The following ITGB2 variants were observed in gnomAD, a reference collection of about 807,000 sequenced individuals.
The protein encoded by ITGB2 is integrin subunit beta 2.
A neutral mutation model predicts 86.8 loss-of-function variants in ITGB2; 56 were observed. The ratio of observed to expected loss-of-function variants is 0.65; its 90% CI spans 0.52 to 0.81. ITGB2 has a LOEUF of 0.81. ITGB2 is among the 30% of genes least tolerant of loss of function. ITGB2 has a pLI of 0.00. For missense variants in ITGB2, 948 were observed against 1,061.2 expected (o/e 0.89, Z 1.48); for synonymous variants, 457 against 450.4 (o/e 1.01, Z -0.19).
chr21:44,902,958 G>A (rs1199062624), intron 5 of ITGB2, among the ~76,000 whole-genome samples: 1 of 152,266 alleles, frequency 6.6e-6, no homozygotes, highest in South Asian at 2.1e-4. Context: ...GCAAGGCAGT[G>A]CTGGTGTAGA....
intron 5 of ITGB2, 157 bp from the exon 6 acceptor site, chr21:44,901,890 GT>G (rs1361683290): frequency 1.6e-5 from 13 of 805,804 alleles, no homozygotes; most frequent in Non-Finnish European, 2.5e-5. Flanking sequence ...GAGCATGTGC[GT>G]TGTGCAAGCA....
chr21:44,903,716 G>C (rs1196628154), intron 4 of ITGB2, among the ~76,000 whole-genome samples, 181 bp from the exon 5 acceptor site: 1 of 152,152 alleles, frequency 6.6e-6, no homozygotes, highest in Non-Finnish European at 1.5e-5. Context: ...ATCCAGGCAG[G>C]CTGGAGTTTC....
chr21:44,925,416 GAGGGAGGGAAGGAAGGAAGGA>G (rs2084359177), upstream of ITGB2, among the ~76,000 whole-genome samples: 1 of 104,388 alleles, frequency 9.6e-6, no homozygotes, highest in Non-Finnish European at 1.9e-5. Flanking sequence ...GGAAGGGAGG[GAGGGAGGGAAGGAAGGAAGGA>G]AGGAAGGAAG....
chr21:44,927,993 T>G (rs1484217390), intron 1 of ITGB2: 4 of 152,058 alleles, frequency 2.6e-5, no homozygotes, highest in Admixed American at 1.3e-4. Flanking sequence ...GCAGCCTCCA[T>G]CCCCCTGTGG....
intron 1 of ITGB2, among the ~76,000 whole-genome samples, chr21:44,912,721 C>T (rs968588515): frequency 1.6e-4 from 25 of 152,096 alleles, no homozygotes; most frequent in Non-Finnish European, 3.2e-4. Context: ...GGACTGACCT[C>T]GGTGCCACGA....
chr21:44,900,199 T>C, intron 7 of ITGB2, 121 bp downstream of exon 7: 1 of 1,343,576 alleles, frequency 7.4e-7, no homozygotes, highest in Admixed American at 1.9e-5. Flanking sequence ...TTCCAGAAGT[T>C]TCCTCAGGAA....
At chr21:44,923,011 C>CACG (rs1418136390), upstream of ITGB2, 5 of 152,218 alleles carry the variant, frequency 3.3e-5, no homozygotes, top group East Asian at 9.6e-4. Flanking sequence ...CTGCGAACGT[C>CACG]ACGGACGCAG....
chr21:44,904,626 C>T (rs965876076), intron 4 of ITGB2, among the ~76,000 whole-genome samples: 30 of 151,634 alleles, frequency 2.0e-4, no homozygotes, highest in African/African-American at 6.1e-4. Flanking sequence ...ACCACATGCA[C>T]GCACACACAC....
intron 1 of ITGB2, among the ~76,000 whole-genome samples, chr21:44,918,149 G>T (rs542904059): frequency 5.3e-5 from 8 of 152,356 alleles, no homozygotes; most frequent in African/African-American, 1.7e-4. Context: ...GCTTCCCAGC[G>T]ACCTGGCCTG....
At position 44,886,100 on chromosome 21, in the gene ITGB2, T is replaced by G. The variant is rs1063594; in HGVS notation, c.*268A>C. The stretch of plus-strand genomic sequence containing the variant: ...CCTTTAATCAGACTGATGTCCTGAC[T>G]TGCACAGGAAACACGCACCTAACCT... On this transcript the variant is annotated 3_prime_UTR_variant, in exon 16 of 16. Coordinates refer to ENST00000652462, the MANE Select transcript of ITGB2 (RefSeq NM_000211.5). The G allele has an allele frequency of 1.3e-3, 714 of 556,096 alleles. 7 individuals carry two copies. Among genetic ancestry groups the G allele is most frequent in the African/African-American group, 0.012 (617 of 52,912 alleles). The allele number at this position is 556,096 out of a possible 1,614,324, so 34.4% of individuals were successfully genotyped here. A position where few individuals can be genotyped will look rare whatever the true frequency, so the allele number is the denominator to read the frequency against.
chr21:44,919,102 C>CACT (rs1360747994), intron 1 of ITGB2, among the ~76,000 whole-genome samples: 9 of 82,420 alleles, frequency 1.1e-4, no homozygotes, highest in Non-Finnish European at 1.8e-4. Flanking sequence ...GCGGAGCTGA[C>CACT]AAACCCCACA....
intron 9 of ITGB2, chr21:44,894,384 T>C (rs1231278207): frequency 5.8e-6 from 1 of 171,008 alleles, no homozygotes; most frequent in African/African-American, 2.4e-5. Context: ...TCCAGAGCAG[T>C]CGGGACCTCT....
chr21:44,889,042 C>T (rs371038329), intron 13 of ITGB2, 147 bp from the exon 14 acceptor site: 25 of 707,848 alleles, frequency 3.5e-5, no homozygotes, highest in South Asian at 8.5e-5. Context: ...GGGGCAGATG[C>T]GGGTGCAGCG....
upstream of ITGB2, among the ~76,000 whole-genome samples, chr21:44,922,306 T>A (rs1485693103): frequency 6.6e-6 from 1 of 152,104 alleles, no homozygotes; most frequent in African/African-American, 2.4e-5. Flanking sequence ...TAAGTATATA[T>A]GCTAACAATT....
chr21:44,893,854 T>C, intron 9 of ITGB2: 1 of 389,258 alleles, frequency 2.6e-6, no homozygotes, highest in Admixed American at 3.6e-5. Flanking sequence ...GCTGCATAAA[T>C]TGTTCAAGCG....
intron 1 of ITGB2, among the ~76,000 whole-genome samples, chr21:44,917,178 C>G (rs1265091318): frequency 6.6e-6 from 1 of 152,140 alleles, no homozygotes; most frequent in Non-Finnish European, 1.5e-5. Context: ...ATCTTGATTC[C>G]CTGTGTAGCC....
intron 2 of ITGB2, 147 bp downstream of exon 2, chr21:44,910,578 G>A (rs1192386760): frequency 1.6e-5 from 22 of 1,367,900 alleles, no homozygotes; most frequent in Admixed American, 7.9e-5. Context: ...GTGCGGAGAC[G>A]AGGCCTGAGT....
intron 1 of ITGB2, among the ~76,000 whole-genome samples, chr21:44,918,588 C>A (rs2084245860): frequency 6.6e-6 from 1 of 152,228 alleles, no homozygotes; most frequent in Admixed American, 6.5e-5. Flanking sequence ...AGACAGGGTG[C>A]AGATAGGGCC....
rs562553261 is a variant in ITGB2 at position 44,919,826 on chromosome 21, G to A, written c.-4+995C>T. 2.4e-4 allele frequency among the ~76,000 whole-genome samples: 37 copies of A among 152,332 alleles called. 1 individual carries two copies. Among genetic ancestry groups the A allele is most frequent in the African/African-American group, 8.9e-4 (37 of 41,578 alleles). On this transcript the variant is annotated intron_variant, in intron 1 of 15. Transcript: ENST00000652462. Reference sequence around the variant, plus strand: ...CAGCTCCCAGATCCAGGGGAGGGGGGATTGGGTGTGGGGACGGTGGTGCAA... The same window carrying A: ...CAGCTCCCAGATCCAGGGGAGGGGGAATTGGGTGTGGGGACGGTGGTGCAA...
Sources: gnomAD v4.1 joint callset for allele counts (sites outside exome capture counted in the v4.1 genomes callset) on GRCh38, gnomAD v4.1.1 for gene constraint, MANE v1.5 for transcripts, NCBI Gene and HGNC (gene_info 2026-07-23, HGNC 2026-07-21) for gene names.